The following PLXNA2 variants were observed in gnomAD, a reference collection of about 807,000 sequenced individuals.
PLXNA2 encodes plexin A2.
Under a neutral mutation model 193.5 loss-of-function variants are expected in PLXNA2, and 91 were observed. That is an observed-to-expected ratio of 0.47 (90% confidence interval 0.40 to 0.56). The LOEUF (loss-of-function observed/expected upper bound fraction) is 0.56, where lower values mean the gene tolerates loss of function less well. Among genes scored for constraint, PLXNA2 ranks in the 20% least tolerant of loss-of-function variants. The pLI is 0.00. For missense variants in PLXNA2, 1,995 were observed against 2,503.2 expected (o/e 0.80, Z 4.33); for synonymous variants, 997 against 1,027.3 (o/e 0.97, Z 0.56).
intron 3 of PLXNA2, among the ~76,000 whole-genome samples, chr1:208,170,582 A>AG (rs1558227267): frequency 6.6e-6 from 1 of 152,246 alleles, no homozygotes; most frequent in African/African-American, 2.4e-5. Flanking sequence ...ATAAGGGGCT[A>AG]GTTCAACCAA....
chr1:208,089,082 G>A (rs1666629873), intron 9 of PLXNA2, among the ~76,000 whole-genome samples: 1 of 152,060 alleles, frequency 6.6e-6, no homozygotes, highest in South Asian at 2.1e-4. Flanking sequence ...AATTGCATTC[G>A]TTCTAGCACA....
intron 4 of PLXNA2, among the ~76,000 whole-genome samples, chr1:208,125,488 G>A (rs908105873): frequency 6.6e-6 from 1 of 152,180 alleles, no homozygotes; most frequent in African/African-American, 2.4e-5. Context: ...GATCCCAGGT[G>A]AGAGAAATCG....
At chr1:208,056,913 C>A (rs888503381) in intron 13 of PLXNA2, among the ~76,000 whole-genome samples, 1 of 152,190 alleles carries the variant, frequency 6.6e-6, no homozygotes, top group Non-Finnish European at 1.5e-5. Context: ...GCATTGCAGA[C>A]AAACTCTAAT....
chr1:208,075,530 T>C (rs990712390), intron 12 of PLXNA2, among the ~76,000 whole-genome samples: 1 of 152,194 alleles, frequency 6.6e-6, no homozygotes, highest in Non-Finnish European at 1.5e-5. Flanking sequence ...GTCACTATTG[T>C]TCTTGTCATA....
intron 3 of PLXNA2, among the ~76,000 whole-genome samples, chr1:208,164,979 G>A (rs1042959397): frequency 6.6e-6 from 1 of 152,230 alleles, no homozygotes; most frequent in Non-Finnish European, 1.5e-5. Context: ...CCTCTGAGGC[G>A]GGAAGTCAGG....
chr1:208,184,822 T>A (rs909994744), intron 3 of PLXNA2, among the ~76,000 whole-genome samples: 4 of 152,238 alleles, frequency 2.6e-5, no homozygotes, highest in African/African-American at 9.6e-5. Flanking sequence ...AATTTCTCAG[T>A]AAGCCTCAGC....
Position 208,109,506 on chromosome 1 carries a change from G to C in PLXNA2, c.1507-6259C>G, listed in dbSNP as rs376913447. Among the ~76,000 whole-genome samples, 25 of 152,198 alleles carry C rather than the reference G, an allele frequency of 1.6e-4. 1 individual carries two copies. The highest frequency in any genetic ancestry group is 4.4e-5 in the Non-Finnish European group (3 of 68,030). Reference sequence around the variant, plus strand: ...ACGCAGTCACAGCAATCCTGGCAGAGGGTTTTGGCATTTTTGAAATGCTTT... The same window carrying C: ...ACGCAGTCACAGCAATCCTGGCAGACGGTTTTGGCATTTTTGAAATGCTTT... On this transcript the variant is annotated intron_variant, in intron 4 of 31. Coordinates refer to ENST00000367033, the MANE Select transcript of PLXNA2 (RefSeq NM_025179.4).
rs377328633 is a variant in PLXNA2 at position 208,038,137 on chromosome 1, C to T, written c.4764+234G>A. On this transcript the variant is annotated intron_variant, in intron 26 of 31. Coordinates refer to ENST00000367033, the MANE Select transcript of PLXNA2 (RefSeq NM_025179.4). This position sits in a 1 kb window ranked among gnomAD's most constrained non-coding sequence, Gnocchi z 4.1. Reference sequence around the variant, plus strand: ...AGAATAGAAATGCCTAGGCCTTACCCCAGACCTGTTAAATCTGTTTCTGAG... The same window carrying T: ...AGAATAGAAATGCCTAGGCCTTACCTCAGACCTGTTAAATCTGTTTCTGAG... Among the ~76,000 whole-genome samples, 6 of 152,124 alleles carry T rather than the reference C, an allele frequency of 3.9e-5. No individual in the cohort carries two copies. In the East Asian group the frequency reaches 1.2e-3, roughly 29 times the overall value.
At chr1:208,181,533 A>T (rs1188147515) in intron 3 of PLXNA2, among the ~76,000 whole-genome samples, 1 of 152,152 alleles carries the variant, frequency 6.6e-6, no homozygotes. Flanking sequence ...TCCACCTCAT[A>T]CTTTCTCTGC....
chr1:208,036,797 G>T (rs759745761), intron 26 of PLXNA2, among the ~76,000 whole-genome samples: 27 of 152,294 alleles, frequency 1.8e-4, no homozygotes, highest in Admixed American at 1.7e-3. Context: ...AAAGTGCTTT[G>T]TATGATCAGC....
intron 4 of PLXNA2, among the ~76,000 whole-genome samples, chr1:208,127,880 G>A (rs1007229264): frequency 2.6e-5 from 4 of 152,186 alleles, no homozygotes; most frequent in Admixed American, 2.0e-4. Flanking sequence ...CAGCGAGTAG[G>A]GAAGATCAAT....
At chr1:208,089,532 T>C (rs1158018029) in intron 9 of PLXNA2, among the ~76,000 whole-genome samples, 1 of 152,228 alleles carries the variant, frequency 6.6e-6, no homozygotes, top group East Asian at 1.9e-4. Flanking sequence ...TGTCAGTGGT[T>C]CTCAATCTTT....
Position 208,096,046 on chromosome 1 carries a change from G to C in PLXNA2, c.1965C>G (p.Asn655Lys), listed in dbSNP as rs377747282. ...GCACTTACAGTTGGTGGGCACTGCA[G>C]TTGTAAAACTTGAACTCGGTGCTGA... ...IFVSTEFKFY[N>K]CSAHQLCLSC... The change falls in exon 8 of 32, where the codon AAC becomes AAG. Residue 655 changes from asparagine to lysine, a missense_variant. This residue lies in a region of PLXNA2 where 1,291 missense variants were observed against 1,673.6 expected (regional missense o/e 0.77). Transcript: ENST00000367033. 21 of 1,613,534 alleles carry C rather than the reference G, an allele frequency of 1.3e-5. No individual in the cohort carries two copies. The highest frequency in any genetic ancestry group is 2.7e-5 in the African/African-American group (2 of 74,902).
Position 208,092,803 on chromosome 1 carries a change from G to A in PLXNA2, c.2080C>T (p.Arg694Trp), listed in dbSNP as rs760945204. 6.8e-6 allele frequency: 11 copies of A among 1,612,750 alleles called. No homozygotes were observed. The highest frequency in any genetic ancestry group is 6.7e-5 in the Admixed American group (4 of 59,978). The change falls in exon 9 of 32, where the codon CGG becomes TGG. Residue 694 changes from arginine to tryptophan, a missense_variant. Coordinates refer to ENST00000367033, the MANE Select transcript of PLXNA2 (RefSeq NM_025179.4). ...CTTCTTACCTCTGAAATATTGATCCGGCCCTCCTGGAAGGAGCAGGTGGTG... is the reference window on the plus strand; with the variant it reads ...CTTCTTACCTCTGAAATATTGATCCAGCCCTCCTGGAAGGAGCAGGTGGTG... Reference protein sequence around the residue: ...DPTTCSFQEGRINISEDCPQL... With the variant: ...DPTTCSFQEGWINISEDCPQL...
intron 1 of PLXNA2, among the ~76,000 whole-genome samples, chr1:208,228,974 G>A (rs766532823): frequency 6.6e-6 from 1 of 152,112 alleles, no homozygotes; most frequent in Non-Finnish European, 1.5e-5. Flanking sequence ...GCTCTTGCTG[G>A]TTTGTCCAGG....
In PLXNA2 at chr1:208,025,100, G is replaced by T. The variant is rs1231038176; in HGVS notation, c.*2143C>A. On this transcript the variant is annotated 3_prime_UTR_variant, in exon 32 of 32. Coordinates refer to ENST00000367033, the MANE Select transcript of PLXNA2 (RefSeq NM_025179.4). ...TTCAAAAGAAAGTGGCCTTGGCATG[G>T]CTGGTTGTGAATTATAATGAAAACA... The T allele has an allele frequency of 6.6e-6, 1 of 152,642 alleles. No homozygotes were observed. Among genetic ancestry groups the T allele is most frequent in the Non-Finnish European group, 1.5e-5 (1 of 68,052 alleles). The allele number at this position is 152,642 out of a possible 1,614,324, so 9.5% of individuals were successfully genotyped here. A position where few individuals can be genotyped will look rare whatever the true frequency, so the allele number is the denominator to read the frequency against.
intron 13 of PLXNA2, among the ~76,000 whole-genome samples, chr1:208,058,102 C>T (rs1468743621): frequency 2.0e-5 from 3 of 152,182 alleles, no homozygotes; most frequent in South Asian, 4.1e-4. Context: ...GATGGTGCCT[C>T]GCTCCCTGGG....
Position 208,043,176 on chromosome 1 carries a change from T to C in PLXNA2, c.3902A>G (p.Asn1301Ser). The C allele has an allele frequency of 6.2e-7, 1 of 1,614,092 alleles. No individual in the cohort carries two copies. The highest frequency in any genetic ancestry group is 2.2e-5 in the East Asian group (1 of 44,876). ...GCGGTCCAGGTCACTGGTCAACTCATTGATATCCGTCTGGAGCTCAGCAAA... is the reference window on the plus strand; with the variant it reads ...GCGGTCCAGGTCACTGGTCAACTCACTGATATCCGTCTGGAGCTCAGCAAA... The part of the protein sequence containing the change: ...EAFAELQTDI[N>S]ELTSDLDRSG... Residue 1301 changes from asparagine (N) to serine (S), a missense_variant, in exon 21 of 32, where the codon AAT (asparagine) becomes AGT (serine). Asn to Ser is a conservative substitution (Grantham distance 46). Transcript: ENST00000367033.
chr1:208,066,006 A>T (rs975395128), intron 12 of PLXNA2, among the ~76,000 whole-genome samples: 4 of 152,082 alleles, frequency 2.6e-5, no homozygotes, highest in Admixed American at 2.6e-4. Flanking sequence ...ACCCACACAA[A>T]CAAATGATTT....
Sources: gnomAD v4.1 joint callset for allele counts (sites outside exome capture counted in the v4.1 genomes callset) on GRCh38, gnomAD v4.1.1 for gene constraint, gnomAD v4.1.1 regional missense constraint, Gnocchi (gnomAD v3.1) non-coding constraint, MANE v1.5 for transcripts, NCBI Gene and HGNC (gene_info 2026-07-23, HGNC 2026-07-21) for gene names.